Variants in STN1 observed in about 807,000 individuals in gnomAD.
The protein encoded by STN1 is CST complex subunit STN1.
A neutral mutation model predicts 45.5 loss-of-function variants in STN1; 29 were observed. The ratio of observed to expected loss-of-function variants is 0.64; its 90% CI spans 0.47 to 0.87. The LOEUF (loss-of-function observed/expected upper bound fraction) is 0.87. STN1 is among the 40% of genes least tolerant of loss of function. The pLI is 0.00. For missense variants in STN1, 376 were observed against 441.4 expected, an observed-to-expected ratio of 0.85 and a Z score of 1.33; for synonymous variants, 148 against 159.0, an observed-to-expected ratio of 0.93 and a Z score of 0.52.
intron 8 of STN1, 91 bp downstream of exon 8, chr10:103,892,030 CTTAATGATT>C: frequency 9.9e-7 from 1 of 1,012,700 alleles, no homozygotes; most frequent in Non-Finnish European, 1.4e-6. Flanking sequence ...TATGTACCTC[CTTAATGATT>C]TTTAAGAATA....
Position 103,903,259 on chromosome 10 carries a change from T to C in STN1, c.295+1832A>G, listed in dbSNP as rs1344158392. 3.3e-5 allele frequency among the ~76,000 whole-genome samples: 5 copies of C among 152,324 alleles called. No individual in the cohort carries two copies. In the East Asian group the frequency reaches 5.8e-4, roughly 18 times the overall value. ...CCATAGGGTGCACAAACAGAAAATA[T>C]GGCCCTTTACAGAAAAACTTTGCTG... On this transcript the variant is annotated intron_variant, in intron 4 of 9. Transcript: ENST00000224950.
At chr10:103,886,676 T>G (rs1843105644) in intron 9 of STN1, among the ~76,000 whole-genome samples, 1 of 152,220 alleles carries the variant, frequency 6.6e-6, no homozygotes, top group Admixed American at 6.5e-5. Context: ...CTTGTGCCAT[T>G]AGGAAAGAGA....
At chr10:103,914,374 A>ATATTTTTTTTTTTT (rs1554837551) in intron 2 of STN1, among the ~76,000 whole-genome samples, 2 of 97,364 alleles carry the variant, frequency 2.1e-5, no homozygotes, top group African/African-American at 4.9e-5. Flanking sequence ...ATATATATAT[A>ATATTTTTTTTTTTT]TTTTTTTTTT....
intron 4 of STN1, among the ~76,000 whole-genome samples, chr10:103,901,245 C>T (rs1320166623): frequency 6.6e-6 from 1 of 152,208 alleles, no homozygotes; most frequent in Non-Finnish European, 1.5e-5. Flanking sequence ...AAAGAAGCTA[C>T]ACAGCCAAGC....
At chr10:103,885,415 A>C (rs1228715702) in intron 9 of STN1, among the ~76,000 whole-genome samples, 1 of 152,166 alleles carries the variant, frequency 6.6e-6, no homozygotes, top group African/African-American at 2.4e-5. Flanking sequence ...GGTGACTTAC[A>C]GGCATCCATG....
intron 7 of STN1, 133 bp from the exon 8 acceptor site, chr10:103,892,385 T>C (rs1160201828): frequency 1.3e-6 from 1 of 750,056 alleles, no homozygotes; most frequent in Non-Finnish European, 2.1e-6. Flanking sequence ...AAGATCCTGG[T>C]ATGTACCGGC....
rs1166945006 is a variant in STN1, at chr10:103,905,078, CAAATAAAA to C, written c.295+5_295+12del. 6.2e-7 allele frequency: 1 copy of C among 1,610,376 alleles called. No individual in the cohort carries two copies. Among genetic ancestry groups the C allele is most frequent in the African/African-American group, 1.3e-5 (1 of 74,830 alleles). The stretch of plus-strand genomic sequence containing the variant: ...TTAGGTGAAAAGTAAAGGAATGTGG[CAAATAAAA>C]TTACCTGATACAGACTCAGTATTCA... On this transcript the variant is annotated splice_donor_5th_base_variant and intron_variant, in intron 4 of 9. Transcript: ENST00000224950.
Position 103,899,980 on chromosome 10 carries a change from G to A in STN1, c.457+82C>T, listed in dbSNP as rs1267014484. 2.2e-6 allele frequency: 3 copies of A among 1,385,708 alleles called. No individual in the cohort carries two copies. In the African/African-American group the frequency reaches 4.3e-5, roughly 20 times the overall value. 85.8% of individuals were successfully genotyped at this position (1,385,708 alleles called of 1,614,324 possible). A position where few individuals can be genotyped will look rare whatever the true frequency, so the allele number is the denominator to read the frequency against. ...TATACCTTAACTGAACTTTTTGAAA[G>A]TTTGACTTCCAGCTGAACAAGAGGT... On this transcript the variant is annotated intron_variant, in intron 5 of 9. Transcript: ENST00000224950.
rs149906155 is a variant in STN1, at chr10:103,884,367, C to T, written c.950-1526G>A. On this transcript the variant is annotated intron_variant, in intron 9 of 9. Coordinates refer to ENST00000224950, the MANE Select transcript of STN1 (RefSeq NM_024928.5). ...AAACTCAAAGAGAGCAGAAATAGAA[C>T]GTTACAGAATATCTTGCATTGTAAT... is the stretch of plus-strand genomic sequence containing the variant. Among the ~76,000 whole-genome samples the T allele has an allele frequency of 8.5e-3, 1,287 of 152,104 alleles. 17 individuals carry two copies. The highest frequency in any genetic ancestry group is 0.029 in the African/African-American group (1,199 of 41,464).
Position 103,881,641 on chromosome 10 carries a change from G to T in STN1, c.*1043C>A, listed in dbSNP as rs1410581371. Among the ~76,000 whole-genome samples the T allele has an allele frequency of 2.0e-5, 3 of 152,188 alleles. No homozygotes were observed. The highest frequency in any genetic ancestry group is 4.4e-5 in the Non-Finnish European group (3 of 68,044). On this transcript the variant is annotated 3_prime_UTR_variant, in exon 10 of 10. Coordinates refer to ENST00000224950, the MANE Select transcript of STN1 (RefSeq NM_024928.5). ...AAAGGATCTCCAGCTGAGCCACGAAGAGCTTATCACATCAAGAGCAAATGC... is the reference window on the plus strand; with the variant it reads ...AAAGGATCTCCAGCTGAGCCACGAATAGCTTATCACATCAAGAGCAAATGC...
Position 103,881,626 on chromosome 10 carries a change from C to T in STN1, c.*1058G>A, listed in dbSNP as rs1843069582. Among the ~76,000 whole-genome samples, 1 of 152,180 alleles carries T rather than the reference C, an allele frequency of 6.6e-6. No homozygotes were observed. Among genetic ancestry groups the T allele is most frequent in the South Asian group, 2.1e-4 (1 of 4,836 alleles). ...CAACTCTCCAGGCCTAAAGGATCTC[C>T]AGCTGAGCCACGAAGAGCTTATCAC... On this transcript the variant is annotated 3_prime_UTR_variant, in exon 10 of 10. Coordinates refer to ENST00000224950, the MANE Select transcript of STN1 (RefSeq NM_024928.5).
At chr10:103,890,942 C>T (rs1192652736) in intron 8 of STN1, among the ~76,000 whole-genome samples, 1 of 152,124 alleles carries the variant, frequency 6.6e-6, no homozygotes, top group East Asian at 1.9e-4. Flanking sequence ...AGGCCCATTT[C>T]CACCTTAGCT....
At chr10:103,914,284 T>C (rs1457464866) in intron 2 of STN1, among the ~76,000 whole-genome samples, 1 of 149,150 alleles carries the variant, frequency 6.7e-6, no homozygotes, top group Non-Finnish European at 1.5e-5. Context: ...GATAGAGATA[T>C]TTAAAACAAT....
At chr10:103,915,379 C>T (rs1843324547) in intron 2 of STN1, among the ~76,000 whole-genome samples, 1 of 152,120 alleles carries the variant, frequency 6.6e-6, no homozygotes, top group African/African-American at 2.4e-5. Context: ...ATAGACAGCC[C>T]CACCCCAAAC....
intron 4 of STN1, among the ~76,000 whole-genome samples, chr10:103,900,695 G>GTC (rs370987366): frequency 5.4e-5 from 8 of 148,996 alleles, no homozygotes; most frequent in African/African-American, 1.7e-4. Context: ...TAATCTCTCT[G>GTC]TCTCTCTCTC....
intron 9 of STN1, among the ~76,000 whole-genome samples, chr10:103,885,122 T>C (rs1164866195): frequency 1.3e-5 from 2 of 152,204 alleles, no homozygotes; most frequent in Non-Finnish European, 2.9e-5. Context: ...GGTGGCTGTG[T>C]GGATGAGAGA....
intron 3 of STN1, among the ~76,000 whole-genome samples, chr10:103,906,489 T>C (rs1035087123): frequency 3.3e-5 from 5 of 152,158 alleles, no homozygotes; most frequent in African/African-American, 1.2e-4. Flanking sequence ...AGACCCCGTC[T>C]CTACCAAAAA....
At position 103,898,908 on chromosome 10, in the gene STN1, T is replaced by A. The variant is rs1843189089; in HGVS notation, c.550A>T (p.Ser184Cys). 1 of 1,613,910 alleles carries A rather than the reference T, an allele frequency of 6.2e-7. No individual in the cohort carries two copies. Reference sequence around the variant, plus strand: ...GCCTCTTCTTTCTCTAGGGCTGAGCTGTGAAAAGGCTGGTCATAAACTTTC... The same window carrying A: ...GCCTCTTCTTTCTCTAGGGCTGAGCAGTGAAAAGGCTGGTCATAAACTTTC... ...YRKVYDQPFH[S>C]SALEKEEALS... Residue 184 changes from serine (S) to cysteine (C), a missense_variant, in exon 6 of 10, where the codon AGC (serine) becomes TGC (cysteine). Coordinates refer to ENST00000224950, the MANE Select transcript of STN1 (RefSeq NM_024928.5).
chr10:103,891,627 G>C (rs999831048), intron 8 of STN1, among the ~76,000 whole-genome samples: 3 of 152,172 alleles, frequency 2.0e-5, no homozygotes, highest in Non-Finnish European at 2.9e-5. Context: ...AAGCAAAAAG[G>C]TTCTTGCATA....
Sources: gnomAD v4.1 joint callset for allele counts (sites outside exome capture counted in the v4.1 genomes callset) on GRCh38, gnomAD v4.1.1 for gene constraint, MANE v1.5 for transcripts, NCBI Gene and HGNC (gene_info 2026-07-23, HGNC 2026-07-21) for gene names.